The following DNAJC7 variants were observed in gnomAD, a reference collection of about 807,000 sequenced individuals.
DNAJC7 encodes dnaJ homolog subfamily C member 7.
DNAJC7 carries 18 observed loss-of-function variants against 67.4 expected under a neutral mutation model. That is an observed-to-expected ratio of 0.27 (90% CI 0.18 to 0.40). The LOEUF (loss-of-function observed/expected upper bound fraction) is 0.40, where lower values mean the gene tolerates loss of function less well. Ranked by LOEUF, DNAJC7 falls within the 10% of genes least tolerant of loss-of-function variation. DNAJC7 has a pLI of 1.00. For synonymous variants in DNAJC7, 220 were observed against 207.8 expected, an observed-to-expected ratio of 1.06 and a Z score of -0.50; for missense variants, 419 against 613.8, an observed-to-expected ratio of 0.68 and a Z score of 3.35.
At chr17:42,006,800 A>AAAAAAAAAAAC (rs2051973174) in intron 1 of DNAJC7, among the ~76,000 whole-genome samples, 1 of 127,374 alleles carries the variant, frequency 7.9e-6, no homozygotes. Context: ...CCGTCTCAAA[A>AAAAAAAAAAAC]AAAAAAAAAA....
chr17:42,007,101 CA>C (rs1173825270), intron 1 of DNAJC7, among the ~76,000 whole-genome samples: 179 of 128,276 alleles, frequency 1.4e-3, no homozygotes, highest in Middle Eastern at 8.3e-3. Context: ...GATCCTGTCT[CA>C]AAAAAAAAAA....
intron 1 of DNAJC7, chr17:42,013,489 AC>A (rs1280318510): frequency 6.6e-6 from 1 of 152,244 alleles, no homozygotes; most frequent in East Asian, 1.9e-4. Context: ...AGGACTCCTT[AC>A]AAAGCTGGAC....
Position 41,999,075 on chromosome 17 carries a change from C to A in DNAJC7, c.166+1407G>T, listed in dbSNP as rs781878924. On this transcript the variant is annotated intron_variant, in intron 2 of 13. Transcript: ENST00000457167. Reference sequence around the variant, plus strand: ...AAGAAAAGAAAAAGAAAAAAGTTATCATTCATGAGTTTGTTTTTTTTTTTG... The same window carrying A: ...AAGAAAAGAAAAAGAAAAAAGTTATAATTCATGAGTTTGTTTTTTTTTTTG... 2.6e-5 allele frequency among the ~76,000 whole-genome samples: 4 copies of A among 151,768 alleles called. No individual in the cohort carries two copies. In the South Asian group the frequency reaches 6.2e-4, roughly 24 times the overall value.
Position 41,997,228 on chromosome 17 carries a change from T to A in DNAJC7, c.178A>T (p.Lys60Ter). The A allele has an allele frequency of 6.2e-7, 1 of 1,613,716 alleles. No individual in the cohort carries two copies. Among genetic ancestry groups the A allele is most frequent in the Non-Finnish European group, 8.5e-7 (1 of 1,179,734 alleles). Residue 60 changes from lysine (K) to a stop codon, truncating the protein, a stop_gained, in exon 3 of 14, where the codon AAA becomes TAA. Transcript: ENST00000457167. LOFTEE classifies it high-confidence loss of function. ...YYTKAIDMCP[K>*]NASYYGNRAA... ...CGATTACCATAATAGCTAGCATTTT[T>A]AGGACACATATCTATAGGAAAGGCA...
intron 1 of DNAJC7, among the ~76,000 whole-genome samples, chr17:42,006,729 G>A (rs1385784686): frequency 3.5e-5 from 5 of 144,760 alleles, no homozygotes; most frequent in Non-Finnish European, 6.0e-5. Flanking sequence ...CCCAGGAGAC[G>A]GTGGTTGTGA....
At chr17:41,994,192 T>C (rs146066303) in intron 5 of DNAJC7, among the ~76,000 whole-genome samples, 2,777 of 149,870 alleles carry the variant, frequency 0.019, 89 homozygotes, top group African/African-American at 0.066. Flanking sequence ...AAAAATTAGC[T>C]GGGCGTGGTG....
chr17:41,976,639 G>A lies in DNAJC7; in HGVS notation c.*94C>T, dbSNP rs577962906. 4.6e-5 allele frequency: 70 copies of A among 1,515,408 alleles called. No individual in the cohort carries two copies. The highest frequency in any genetic ancestry group is 8.4e-5 in the African/African-American group (6 of 71,304). The allele number at this position is 1,515,408 out of a possible 1,614,324, so 93.9% of individuals were successfully genotyped here. On this transcript the variant is annotated 3_prime_UTR_variant, in exon 14 of 14. Coordinates refer to ENST00000457167, the MANE Select transcript of DNAJC7 (RefSeq NM_003315.4). ...GAAAACGAAACTGCTCTAAGCACAC[G>A]GAGACGTGATGAAGGGAGGAGGTGA...
chr17:41,995,310 CCT>C (rs1315767527), intron 4 of DNAJC7, among the ~76,000 whole-genome samples: 1 of 152,148 alleles, frequency 6.6e-6, no homozygotes, highest in African/African-American at 2.4e-5. Flanking sequence ...CAATCTTCAC[CCT>C]CAGTTTGAAC....
chr17:42,006,795 T>TAAAAAAAAAAAAAAA (rs1555650363), intron 1 of DNAJC7, among the ~76,000 whole-genome samples: 1 of 1,766 alleles, frequency 5.7e-4, no homozygotes, highest in South Asian at 0.018. Context: ...AGACTCCGTC[T>TAAAAAAAAAAAAAAA]CAAAAAAAAA....
In DNAJC7 at chr17:41,976,558, C is replaced by A; in HGVS notation, c.*175G>T. ...GCCTCCCTCCCCTGCCCTCGGTCTTCGGCATTGGTTCCCTTTGCTCCACCC... is the reference window on the plus strand; with the variant it reads ...GCCTCCCTCCCCTGCCCTCGGTCTTAGGCATTGGTTCCCTTTGCTCCACCC... On this transcript the variant is annotated 3_prime_UTR_variant, in exon 14 of 14. Transcript: ENST00000457167. The A allele has an allele frequency of 2.8e-6, 2 of 714,394 alleles. No homozygotes were observed. The highest frequency in any genetic ancestry group is 4.3e-6 in the Non-Finnish European group (2 of 459,912). The allele number at this position is 714,394 out of a possible 1,614,324, so 44.3% of individuals were successfully genotyped here.
intron 1 of DNAJC7, among the ~76,000 whole-genome samples, chr17:42,012,672 C>T (rs1555651190): frequency 6.6e-6 from 1 of 152,230 alleles, no homozygotes. Flanking sequence ...AAATGTGAAA[C>T]ATCTGAAGTT....
chr17:41,996,231 T>C (rs2143234669), intron 4 of DNAJC7, 80 bp downstream of exon 4: 1 of 1,412,378 alleles, frequency 7.1e-7, no homozygotes, highest in East Asian at 2.3e-5. Context: ...AGACTAGACC[T>C]CAGTTCCGAC....
rs1331623351 is a variant in DNAJC7 at position 41,976,592 on chromosome 17, G to A, written c.*141C>T. The A allele has an allele frequency of 1.8e-6, 2 of 1,090,422 alleles. No homozygotes were observed. Among genetic ancestry groups the A allele is most frequent in the Admixed American group, 3.0e-5 (1 of 33,800 alleles). The allele number at this position is 1,090,422 out of a possible 1,614,324, so 67.5% of individuals were successfully genotyped here. ...TTCCCTTTGCTCCACCCCACTCACA[G>A]AGACACAGGGCATCCAACTGAGAAA... On this transcript the variant is annotated 3_prime_UTR_variant, in exon 14 of 14. Transcript: ENST00000457167.
chr17:42,017,274 A>T, intron 1 of DNAJC7, 66 bp downstream of exon 1: 2 of 1,606,378 alleles, frequency 1.2e-6, no homozygotes, highest in Non-Finnish European at 1.7e-6. Flanking sequence ...GCATCATGGC[A>T]GGAACGAGTT....
intron 1 of DNAJC7, among the ~76,000 whole-genome samples, chr17:42,006,084 C>G (rs562990100): frequency 6.6e-5 from 10 of 152,244 alleles, no homozygotes; most frequent in South Asian, 2.1e-4. Flanking sequence ...GCTGGGACTA[C>G]AGGTGCCCAC....
rs201296310 is a variant in DNAJC7, at chr17:41,994,865, T to G, written c.480+5A>C. The G allele has an allele frequency of 1.3e-4, 212 of 1,613,732 alleles. 1 individual carries two copies. In the South Asian group the frequency reaches 1.7e-3, roughly 13 times the overall value. On this transcript the variant is annotated splice_donor_5th_base_variant and intron_variant, in intron 5 of 13. Coordinates refer to ENST00000457167, the MANE Select transcript of DNAJC7 (RefSeq NM_003315.4). ...AGATGAGATTATCTCATGGTTGTAC[T>G]GTACCTTCCGAAAATCTCGCTTCTC...
intron 12 of DNAJC7, among the ~76,000 whole-genome samples, chr17:41,980,124 A>G (rs541945292): frequency 6.9e-6 from 1 of 144,976 alleles, no homozygotes; most frequent in East Asian, 2.1e-4. Flanking sequence ...ATCTCAGCTC[A>G]TTGCAACCTC....
chr17:42,007,533 CT>C (rs534709415), intron 1 of DNAJC7, among the ~76,000 whole-genome samples: 1 of 151,212 alleles, frequency 6.6e-6, no homozygotes, highest in Non-Finnish European at 1.5e-5. Context: ...AAAAAAATTT[CT>C]TTTTTTTTGG....
chr17:41,980,316 G>A (rs1426079270), intron 12 of DNAJC7, among the ~76,000 whole-genome samples: 1 of 152,114 alleles, frequency 6.6e-6, no homozygotes, highest in African/African-American at 2.4e-5. Flanking sequence ...CCAAAGTGAT[G>A]GGATTACAGG....
Sources: gnomAD v4.1 joint callset for allele counts (sites outside exome capture counted in the v4.1 genomes callset) on GRCh38, gnomAD v4.1.1 for gene constraint, MANE v1.5 for transcripts, NCBI Gene and HGNC (gene_info 2026-07-23, HGNC 2026-07-21) for gene names.